SLC24A2: variants seen among roughly 807,000 people sequenced by gnomAD.
SLC24A2 encodes solute carrier family 24 member 2, also known as sodium/potassium/calcium exchanger 2.
SLC24A2 carries 36 observed loss-of-function variants against 62.0 expected under a neutral mutation model. That is an observed-to-expected ratio of 0.58 (90% CI 0.44 to 0.77). The LOEUF (loss-of-function observed/expected upper bound fraction) is 0.77. SLC24A2 is among the 30% of genes least tolerant of loss of function. The pLI is 0.00. For missense variants in SLC24A2, 846 were observed against 817.9 expected, an observed-to-expected ratio of 1.03 and a Z score of -0.42; for synonymous variants, 358 against 294.0, an observed-to-expected ratio of 1.22 and a Z score of -2.23.
the SLC24A2 span, among the ~76,000 whole-genome samples, chr9:20,111,802 T>TG: frequency 1.3e-5 from 2 of 152,130 alleles, no homozygotes; most frequent in Non-Finnish European, 2.9e-5. Flanking sequence ...CATTGTCCAC[T>TG]GGGGGATGCT....
the SLC24A2 span, among the ~76,000 whole-genome samples, chr9:20,275,778 G>A: frequency 4.0e-4 from 61 of 152,232 alleles, no homozygotes; most frequent in Non-Finnish European, 6.9e-4. Context: ...AATTTGATGC[G>A]GCTGGGGAGG....
chr9:19,799,233 T>C, the SLC24A2 span, among the ~76,000 whole-genome samples: 2 of 152,158 alleles, frequency 1.3e-5, no homozygotes, highest in African/African-American at 4.8e-5. Flanking sequence ...TTCTCTTAGC[T>C]TTTTTTATTT....
chr9:20,258,267 T>C, the SLC24A2 span, among the ~76,000 whole-genome samples: 1 of 152,246 alleles, frequency 6.6e-6, no homozygotes, highest in Non-Finnish European at 1.5e-5. Context: ...TGGTAAAGCA[T>C]TAATTATTCT....
the SLC24A2 span, among the ~76,000 whole-genome samples, chr9:20,116,216 C>G: frequency 6.6e-6 from 1 of 152,134 alleles, no homozygotes; most frequent in South Asian, 2.1e-4. Flanking sequence ...AGCTCTCACA[C>G]CAGAATGCCA....
chr9:19,895,880 C>G, the SLC24A2 span: 1 of 1,613,156 alleles, frequency 6.2e-7, no homozygotes, highest in Non-Finnish European at 8.5e-7. Context: ...AGGGCCTCGG[C>G]CAGTGTGATG....
intron 4 of SLC24A2, among the ~76,000 whole-genome samples, chr9:19,609,222 G>A (rs1020782042): frequency 6.6e-6 from 1 of 152,224 alleles, no homozygotes; most frequent in Non-Finnish European, 1.5e-5. Context: ...TCAGGAATGA[G>A]GGCCATGTCC....
the SLC24A2 span, among the ~76,000 whole-genome samples, chr9:20,124,738 T>C: frequency 3.5e-4 from 53 of 152,342 alleles, 1 homozygote; most frequent in South Asian, 8.1e-3. Context: ...CAGTTCCCTC[T>C]CTTAGGTCTG....
At chr9:19,924,598 T>G in the SLC24A2 span, among the ~76,000 whole-genome samples, 1 of 152,126 alleles carries the variant, frequency 6.6e-6, no homozygotes, top group Non-Finnish European at 1.5e-5. Flanking sequence ...AAGGACCCCA[T>G]GAGGGTGTGA....
the SLC24A2 span, among the ~76,000 whole-genome samples, chr9:20,125,484 A>G: frequency 1.3e-5 from 2 of 152,208 alleles, no homozygotes; most frequent in African/African-American, 4.8e-5. Flanking sequence ...ACAGATTTAA[A>G]ACTTCCTATA....
At chr9:20,257,372 T>C in the SLC24A2 span, among the ~76,000 whole-genome samples, 1 of 152,240 alleles carries the variant, frequency 6.6e-6, no homozygotes, top group Non-Finnish European at 1.5e-5. Context: ...TTTATAGTTT[T>C]CAGTCAAATT....
At chr9:19,795,661 C>G in the SLC24A2 span, among the ~76,000 whole-genome samples, 1 of 152,000 alleles carries the variant, frequency 6.6e-6, no homozygotes, top group East Asian at 1.9e-4. Flanking sequence ...ATGTTACCTA[C>G]TAAATTCTTA....
the SLC24A2 span, among the ~76,000 whole-genome samples, chr9:20,210,837 G>A: frequency 1.3e-5 from 2 of 150,958 alleles, no homozygotes; most frequent in Non-Finnish European, 2.9e-5. Context: ...ACGGTGCCAA[G>A]GGATGGGGCT....
chr9:20,164,685 C>A, the SLC24A2 span, among the ~76,000 whole-genome samples: 1 of 151,436 alleles, frequency 6.6e-6, no homozygotes, highest in Non-Finnish European at 1.5e-5. Flanking sequence ...ACATGCACAC[C>A]TATGTTTATT....
intron 10 of SLC24A2, 43 bp downstream of exon 10, chr9:19,520,851 T>A (rs752340949): frequency 1.9e-6 from 3 of 1,593,194 alleles, no homozygotes; most frequent in Admixed American, 3.3e-5. Context: ...ACAAAGACAC[T>A]GGTGGAGCTG....
the SLC24A2 span, among the ~76,000 whole-genome samples, chr9:20,197,800 C>T: frequency 6.6e-6 from 1 of 152,110 alleles, no homozygotes; most frequent in Non-Finnish European, 1.5e-5. Flanking sequence ...AACCAAAAGC[C>T]AGACCATCAA....
chr9:19,528,697 C>G (rs1833547664), intron 8 of SLC24A2, among the ~76,000 whole-genome samples: 2 of 152,122 alleles, frequency 1.3e-5, no homozygotes, highest in South Asian at 4.1e-4. Flanking sequence ...AAAAAGCCAC[C>G]ACCACAACTT....
chr9:19,600,072 A>T (rs1370561029), intron 4 of SLC24A2, among the ~76,000 whole-genome samples: 1 of 152,192 alleles, frequency 6.6e-6, no homozygotes, highest in Non-Finnish European at 1.5e-5. Flanking sequence ...GGCAGCTAGG[A>T]TTGGAAGAGC....
the SLC24A2 span, among the ~76,000 whole-genome samples, chr9:20,170,874 G>C: frequency 6.6e-6 from 1 of 152,000 alleles, no homozygotes; most frequent in East Asian, 1.9e-4. Flanking sequence ...GAACACCCAG[G>C]AAATTCATGC....
the SLC24A2 span, among the ~76,000 whole-genome samples, chr9:20,233,394 A>G: frequency 9.2e-5 from 14 of 152,242 alleles, no homozygotes; most frequent in Admixed American, 2.6e-4. Context: ...GACTTGCTTT[A>G]TGAATCTGGG....
Sources: gnomAD v4.1 joint callset for allele counts (sites outside exome capture counted in the v4.1 genomes callset) on GRCh38, gnomAD v4.1.1 for gene constraint, MANE v1.5 for transcripts, NCBI Gene and HGNC (gene_info 2026-07-23, HGNC 2026-07-21) for gene names.